The following CRK variants were observed in gnomAD, a reference collection of about 807,000 sequenced individuals.
The protein encoded by CRK is adapter molecule crk.
Under a neutral mutation model 29.8 loss-of-function variants are expected in CRK, and 4 were observed. That is an observed-to-expected ratio of 0.13 (90% CI 0.07 to 0.31). The LOEUF (loss-of-function observed/expected upper bound fraction) is 0.31. Ranked by LOEUF, CRK falls within the 10% of genes least tolerant of loss-of-function variation. CRK has a pLI of 1.00. For missense variants in CRK, 274 were observed against 396.5 expected (o/e 0.69, Z 2.62); for synonymous variants, 153 against 164.9 (o/e 0.93, Z 0.55).
At chr17:1,444,773 C>G (rs1374658864) in intron 1 of CRK, among the ~76,000 whole-genome samples, 2 of 148,368 alleles carry the variant, frequency 1.3e-5, no homozygotes, top group Non-Finnish European at 3.0e-5. Context: ...GTGGAGGCTG[C>G]GGTGAGCTGA....
chr17:1,440,897 T>G (rs1359332475), intron 1 of CRK, among the ~76,000 whole-genome samples: 1 of 152,150 alleles, frequency 6.6e-6, no homozygotes, highest in Non-Finnish European at 1.5e-5. Flanking sequence ...GAGAGAGACC[T>G]TGTCTCAAAA....
At chr17:1,429,420 C>A (rs1327413432) in intron 2 of CRK, among the ~76,000 whole-genome samples, 1 of 151,978 alleles carries the variant, frequency 6.6e-6, no homozygotes, top group Non-Finnish European at 1.5e-5. Context: ...ATTATAGGCG[C>A]CCGCCACCAT....
At chr17:1,432,476 T>TA (rs59669841) in intron 2 of CRK, among the ~76,000 whole-genome samples, 10,162 of 100,758 alleles carry the variant, frequency 0.1, 729 homozygotes, top group African/African-American at 0.11. Context: ...GACCTTGTCT[T>TA]AAAAAAAAAA....
At chr17:1,427,030 C>CAAAAAAAAAAAAAA (rs562515421) in intron 2 of CRK, among the ~76,000 whole-genome samples, 13 of 35,304 alleles carry the variant, frequency 3.7e-4, no homozygotes, top group East Asian at 1.3e-3. Flanking sequence ...AAACTGTCTC[C>CAAAAAAAAAAAAAA]AAAAAAAAAA....
intron 1 of CRK, among the ~76,000 whole-genome samples, chr17:1,453,807 T>TGA (rs1265929091): frequency 6.6e-6 from 1 of 152,130 alleles, no homozygotes; most frequent in Non-Finnish European, 1.5e-5. Flanking sequence ...CTAGGGAGGC[T>TGA]GAGACAGGAG....
Position 1,429,622 on chromosome 17 carries a change from T to C in CRK, c.778-5972A>G, listed in dbSNP as rs200883875. Among the ~76,000 whole-genome samples, 37 of 85,736 alleles carry C rather than the reference T, an allele frequency of 4.3e-4. No individual in the cohort carries two copies. In the East Asian group the frequency reaches 9.3e-3, roughly 22 times the overall value. The allele number at this position is 85,736 out of a possible 152,430, so 56.2% of individuals were successfully genotyped here. ...CTCAGCAGCACAGTGAAACTCTGTCTCTCTTAAAAAAAAAAAAAAGAGGCC... is the reference window on the plus strand; with the variant it reads ...CTCAGCAGCACAGTGAAACTCTGTCCCTCTTAAAAAAAAAAAAAAGAGGCC... On this transcript the variant is annotated intron_variant, in intron 2 of 2. Transcript: ENST00000300574.
chr17:1,434,048 ATC>A (rs1374207488), intron 2 of CRK, among the ~76,000 whole-genome samples: 5 of 152,032 alleles, frequency 3.3e-5, no homozygotes, highest in Non-Finnish European at 4.4e-5. Flanking sequence ...CAGCAAGCTC[ATC>A]TGTTGTTTTA....
At chr17:1,440,554 A>T (rs560912958) in intron 1 of CRK, among the ~76,000 whole-genome samples, 130 of 152,024 alleles carry the variant, frequency 8.6e-4, no homozygotes, top group South Asian at 2.5e-3. Context: ...CCAAGGCAGG[A>T]GGACTGATTG....
At position 1,427,072 on chromosome 17, in the gene CRK, A is replaced by AAAAAAAAAAAAAAAAAAAG. The variant is rs778793991; in HGVS notation, c.778-3423_778-3422insCTTTTTTTTTTTTTTTTTT. ...AAAAAAAAAAAAAAAAAAAAAAAAAAGATTCTGACATGCCCCAGCCAGGCT... is the reference window on the plus strand; with the variant it reads ...AAAAAAAAAAAAAAAAAAAAAAAAAAAAAAAAAAAAAAAAAAAAGGATTCTGACATGCCCCAGCCAGGCT... On this transcript the variant is annotated intron_variant, in intron 2 of 2. Coordinates refer to ENST00000300574, the MANE Select transcript of CRK (RefSeq NM_016823.4). 1.3e-4 allele frequency among the ~76,000 whole-genome samples: 12 copies of AAAAAAAAAAAAAAAAAAAG among 92,074 alleles called. 3 individuals are homozygous for AAAAAAAAAAAAAAAAAAAG. Among genetic ancestry groups the AAAAAAAAAAAAAAAAAAAG allele is most frequent in the Non-Finnish European group, 2.3e-4 (11 of 47,912 alleles). 60.4% of individuals were successfully genotyped at this position (92,074 alleles called of 152,430 possible). A position where few individuals can be genotyped will look rare whatever the true frequency, so the allele number is the denominator to read the frequency against.
At chr17:1,428,518 GATCTTTTTTTTTT>G (rs1314332547) in intron 2 of CRK, among the ~76,000 whole-genome samples, 2 of 114,248 alleles carry the variant, frequency 1.8e-5, no homozygotes, top group Non-Finnish European at 3.4e-5. Context: ...GACCATATCA[GATCTTTTTTTTTT>G]TTTTTTTTTT....
At chr17:1,452,922 C>T (rs1408418649) in intron 1 of CRK, among the ~76,000 whole-genome samples, 2 of 152,002 alleles carry the variant, frequency 1.3e-5, no homozygotes, top group African/African-American at 2.4e-5. Context: ...TGGACAATAC[C>T]GTGAGACCCC....
intron 1 of CRK, among the ~76,000 whole-genome samples, chr17:1,451,273 G>A (rs2074016087): frequency 6.8e-6 from 1 of 147,926 alleles, no homozygotes. Context: ...TGTATTGTCT[G>A]AATAATAAAG....
intron 1 of CRK, among the ~76,000 whole-genome samples, chr17:1,453,482 T>G (rs964150910): frequency 3.3e-5 from 5 of 152,162 alleles, no homozygotes; most frequent in African/African-American, 1.2e-4. Flanking sequence ...GGCATCAAAG[T>G]AGAATATATC....
intron 2 of CRK, among the ~76,000 whole-genome samples, chr17:1,425,749 C>G (rs533332635): frequency 6.6e-6 from 1 of 152,346 alleles, no homozygotes; most frequent in Admixed American, 6.5e-5. Context: ...GATGGAACAG[C>G]TTGCCTATTG....
At position 1,456,204 on chromosome 17, in the gene CRK, G is replaced by T; in HGVS notation, c.-87C>A. The T allele has an allele frequency of 1.5e-6, 2 of 1,341,452 alleles. No homozygotes were observed. The highest frequency in any genetic ancestry group is 9.5e-7 in the Non-Finnish European group (1 of 1,050,720). 83.1% of individuals were successfully genotyped at this position (1,341,452 alleles called of 1,614,324 possible). A position where few individuals can be genotyped will look rare whatever the true frequency, so the allele number is the denominator to read the frequency against. ...GCCCGCCGCCCAGCGGACCGGCTCCGGTTTCAGCTTCACAGCAGCGCCCGA... is the reference window on the plus strand; with the variant it reads ...GCCCGCCGCCCAGCGGACCGGCTCCTGTTTCAGCTTCACAGCAGCGCCCGA... On this transcript the variant is annotated 5_prime_UTR_variant, in exon 1 of 3. Transcript: ENST00000300574.
At chr17:1,438,571 A>C (rs896681472) in intron 1 of CRK, among the ~76,000 whole-genome samples, 12 of 152,096 alleles carry the variant, frequency 7.9e-5, no homozygotes, top group African/African-American at 2.9e-4. Flanking sequence ...ATAAAACAGA[A>C]ACTAGACTGT....
At chr17:1,435,550 A>G (rs561059068) in intron 2 of CRK, among the ~76,000 whole-genome samples, 2 of 152,296 alleles carry the variant, frequency 1.3e-5, no homozygotes, top group Admixed American at 1.3e-4. Flanking sequence ...CTGAACTCAC[A>G]GGAAGACCTG....
At chr17:1,424,047 G>A (rs1359340135) in intron 2 of CRK, among the ~76,000 whole-genome samples, 2 of 151,260 alleles carry the variant, frequency 1.3e-5, no homozygotes, top group African/African-American at 4.9e-5. Flanking sequence ...GGCCCTGTCC[G>A]AGGAGAAGCA....
intron 2 of CRK, among the ~76,000 whole-genome samples, chr17:1,433,915 G>A (rs1016109712): frequency 6.7e-6 from 1 of 149,762 alleles, no homozygotes; most frequent in South Asian, 2.1e-4. Flanking sequence ...GCCCAGGCTG[G>A]TTTCAAACAC....
Sources: allele counts gnomAD v4.1 joint callset (sites outside exome capture counted in the v4.1 genomes callset), GRCh38; gene constraint gnomAD v4.1.1; transcripts MANE v1.5; gene names NCBI Gene and HGNC (gene_info 2026-07-23, HGNC 2026-07-21).